CRADD: variants seen among roughly 807,000 people sequenced by gnomAD.
CRADD encodes CARD and death domain containing adaptor protein.
A neutral mutation model predicts 15.5 loss-of-function variants in CRADD; 9 were observed. That is an observed-to-expected ratio of 0.58 (90% confidence interval 0.35 to 1.01). The LOEUF (loss-of-function observed/expected upper bound fraction) is 1.01. Ranked by LOEUF, CRADD falls within the 50% of genes least tolerant of loss-of-function variation. The pLI is 0.02. For synonymous variants in CRADD, 118 were observed against 107.6 expected, an observed-to-expected ratio of 1.10 and a Z score of -0.60; for missense variants, 227 against 250.3, an observed-to-expected ratio of 0.91 and a Z score of 0.63.
chr12:93,815,164 C>A (rs1357361222), intron 2 of CRADD: 1 of 152,192 alleles, frequency 6.6e-6, no homozygotes, highest in Non-Finnish European at 1.5e-5. Context: ...TTCAAGGAAT[C>A]CGACTATGTT....
intron 2 of CRADD, among the ~76,000 whole-genome samples, chr12:93,787,318 T>TG (rs1957290790): frequency 6.7e-6 from 1 of 150,136 alleles, no homozygotes; most frequent in African/African-American, 2.4e-5. Context: ...TTTTTTTTTT[T>TG]TTTTTTTTTT....
At chr12:93,715,810 TTCTTTGG>T (rs1273231105) in intron 2 of CRADD, among the ~76,000 whole-genome samples, 1 of 152,188 alleles carries the variant, frequency 6.6e-6, no homozygotes, top group Non-Finnish European at 1.5e-5. Context: ...TTTCCCCATT[TTCTTTGG>T]TCTATGATAA....
chr12:93,764,220 C>T (rs762893015), intron 2 of CRADD, among the ~76,000 whole-genome samples: 36 of 140,736 alleles, frequency 2.6e-4, no homozygotes, highest in Non-Finnish European at 3.9e-4. Context: ...ATCACTCTGG[C>T]TGCTCTGTGA....
In CRADD at chr12:93,850,462, T is replaced by C; in HGVS notation, c.*191T>C. 2.2e-6 allele frequency: 3 copies of C among 1,336,256 alleles called. No homozygotes were observed. The highest frequency in any genetic ancestry group is 2.9e-6 in the Non-Finnish European group (3 of 1,050,696). The allele number at this position is 1,336,256 out of a possible 1,614,324, so 82.8% of individuals were successfully genotyped here. ...AGATTACTCAGCAGATCTCCCATGT[T>C]GGCTCAACAATTCTTTGTTTTTAAT... On this transcript the variant is annotated 3_prime_UTR_variant, in exon 3 of 3. Transcript: ENST00000332896. This position sits in a 1 kb window ranked among gnomAD's most constrained non-coding sequence, Gnocchi z 4.0.
chr12:93,702,362 C>A (rs1955858680), intron 2 of CRADD, among the ~76,000 whole-genome samples: 1 of 151,568 alleles, frequency 6.6e-6, no homozygotes, highest in African/African-American at 2.4e-5. Flanking sequence ...AGAAAAAAAA[C>A]CATCACTTCA....
rs555299020 is a variant in CRADD at position 93,766,103 on chromosome 12, A to G, written c.299-83867A>G. Among the ~76,000 whole-genome samples, 7 of 152,332 alleles carry G rather than the reference A, an allele frequency of 4.6e-5. 1 individual carries two copies. In the East Asian group the frequency reaches 1.4e-3, roughly 29 times the overall value. ...TTCTACAAGAAATCTTATTTTTGAG[A>G]TATAGCTGGTAAATATGGAAAACTC... On this transcript the variant is annotated intron_variant, in intron 2 of 2. Coordinates refer to ENST00000332896, the MANE Select transcript of CRADD (RefSeq NM_003805.5).
At chr12:93,766,993 A>G (rs1470557870) in intron 2 of CRADD, among the ~76,000 whole-genome samples, 1 of 152,168 alleles carries the variant, frequency 6.6e-6, no homozygotes, top group Non-Finnish European at 1.5e-5. Context: ...CAGATACTCA[A>G]GTGGGTGTGG....
At chr12:93,692,879 A>G (rs1256719259) in intron 2 of CRADD, among the ~76,000 whole-genome samples, 1 of 152,212 alleles carries the variant, frequency 6.6e-6, no homozygotes, top group Non-Finnish European at 1.5e-5. Flanking sequence ...AGATGAAACT[A>G]TTAAAATGGA....
intron 2 of CRADD, among the ~76,000 whole-genome samples, chr12:93,807,624 A>G (rs1957554480): frequency 6.6e-6 from 1 of 152,100 alleles, no homozygotes; most frequent in Admixed American, 6.6e-5. Context: ...GACAGAGAAA[A>G]TAAACAAATC....
intron 2 of CRADD, among the ~76,000 whole-genome samples, chr12:93,825,607 G>A (rs1235898478): frequency 6.6e-6 from 1 of 152,162 alleles, no homozygotes; most frequent in East Asian, 1.9e-4. Flanking sequence ...CAGCGGAGAG[G>A]GAAATGACTT....
chr12:93,684,962 G>T (rs910796127), intron 2 of CRADD, among the ~76,000 whole-genome samples: 1 of 152,218 alleles, frequency 6.6e-6, no homozygotes. Context: ...AGATGTGTGT[G>T]CAGCCGTGAT....
At chr12:93,761,232 G>C (rs1956957189) in intron 2 of CRADD, among the ~76,000 whole-genome samples, 1 of 152,238 alleles carries the variant, frequency 6.6e-6, no homozygotes, top group Admixed American at 6.5e-5. Flanking sequence ...ACACTGGGAA[G>C]CTTTGGAAGA....
chr12:93,826,415 G>A (rs980512128), intron 2 of CRADD, among the ~76,000 whole-genome samples: 7 of 152,186 alleles, frequency 4.6e-5, no homozygotes, highest in African/African-American at 1.7e-4. Context: ...TTATTTTAAA[G>A]TGCTGCAGCC....
chr12:93,738,573 C>A, intron 2 of CRADD: 1 of 673,048 alleles, frequency 1.5e-6, no homozygotes, highest in South Asian at 1.6e-5. Flanking sequence ...TCACCCCGCT[C>A]CCACCGCCAC....
At chr12:93,892,081 A>G (rs557654763) in intron 2 of CRADD, among the ~76,000 whole-genome samples, 13 of 152,280 alleles carry the variant, frequency 8.5e-5, no homozygotes, top group African/African-American at 1.7e-4. Flanking sequence ...CAGAGCTCAG[A>G]GAGGTGGGAG....
At chr12:93,857,732 G>C (rs1361531259) in intron 2 of CRADD, among the ~76,000 whole-genome samples, 1 of 152,134 alleles carries the variant, frequency 6.6e-6, no homozygotes, top group Non-Finnish European at 1.5e-5. Context: ...CTCCCTGTTC[G>C]GAGATCACAT....
intron 2 of CRADD, among the ~76,000 whole-genome samples, chr12:93,882,002 C>T (rs1027568635): frequency 6.6e-6 from 1 of 152,090 alleles, no homozygotes; most frequent in Non-Finnish European, 1.5e-5. Flanking sequence ...TGGCATGTGC[C>T]TGTCCCAGCT....
chr12:93,804,710 C>T (rs1214992757), intron 2 of CRADD, among the ~76,000 whole-genome samples: 2 of 152,046 alleles, frequency 1.3e-5, no homozygotes, highest in Non-Finnish European at 2.9e-5. Flanking sequence ...TTCCAATTTA[C>T]ACCAAGCAAA....
chr12:93,751,388 T>C (rs1274319597), intron 2 of CRADD, among the ~76,000 whole-genome samples: 1 of 152,234 alleles, frequency 6.6e-6, no homozygotes, highest in Non-Finnish European at 1.5e-5. Context: ...TAATATGTAT[T>C]ATTCCTCATT....
Sources: gnomAD v4.1 joint callset for allele counts (sites outside exome capture counted in the v4.1 genomes callset) on GRCh38, gnomAD v4.1.1 for gene constraint, Gnocchi (gnomAD v3.1) non-coding constraint, MANE v1.5 for transcripts, NCBI Gene and HGNC (gene_info 2026-07-23, HGNC 2026-07-21) for gene names.